Variants in KRT8 observed in about 807,000 individuals in gnomAD.
KRT8 encodes the protein keratin 8, also known as keratin, type II cytoskeletal 8.
A neutral mutation model predicts 43.0 loss-of-function variants in KRT8; 24 were observed. The observed-to-expected ratio is 0.56, with a 90% CI of 0.40 to 0.78. The LOEUF (loss-of-function observed/expected upper bound fraction) is 0.78. KRT8 is among the 30% of genes least tolerant of loss of function. KRT8 has a pLI of 0.00. For synonymous variants in KRT8, 214 were observed against 261.2 expected, an observed-to-expected ratio of 0.82 and a Z score of 1.74; for missense variants, 492 against 638.4, an observed-to-expected ratio of 0.77 and a Z score of 2.47.
chr12:52,924,264 C>T (rs1941946204), intron 2 of KRT8, among the ~76,000 whole-genome samples: 2 of 152,042 alleles, frequency 1.3e-5, no homozygotes, highest in East Asian at 1.9e-4. Context: ...CTGGCTAACA[C>T]GGTGAAACCC....
At chr12:52,948,966 G>A in intron 2 of KRT8, 1 of 459,556 alleles carries the variant, frequency 2.2e-6, no homozygotes, top group Non-Finnish European at 3.7e-6. Context: ...GGGCTGCGCG[G>A]AGGGCGCGGG....
At chr12:52,917,428 C>T (rs1475498222) in intron 2 of KRT8, among the ~76,000 whole-genome samples, 1 of 151,186 alleles carries the variant, frequency 6.6e-6, no homozygotes, top group Non-Finnish European at 1.5e-5. Flanking sequence ...AAAGAAAAGA[C>T]TGAGTGTGGT....
At chr12:52,898,894 A>C (rs1428657482) in exon 6 of KRT8, 1 of 1,613,354 alleles carries the variant, frequency 6.2e-7, no homozygotes, top group Admixed American at 1.7e-5. Context: ...CCTCCAGGGA[A>C]GCCCTCTGTG....
exon 3 of KRT8, chr12:52,901,163 T>G: frequency 6.2e-7 from 1 of 1,606,452 alleles, no homozygotes; most frequent in Non-Finnish European, 8.5e-7. Context: ...CCTCACCTTC[T>G]TGATGAGGAC....
intron 2 of KRT8, among the ~76,000 whole-genome samples, chr12:52,935,393 A>AG (rs1565731929): frequency 5.6e-5 from 8 of 143,424 alleles, no homozygotes; most frequent in East Asian, 2.0e-4. Flanking sequence ...AAAAAAAAAA[A>AG]AAAAAAAAAA....
intron 2 of KRT8, chr12:52,926,332 G>GCCCCCCCCCCCCCCC: frequency 5.0e-6 from 3 of 600,260 alleles, no homozygotes; most frequent in Non-Finnish European, 6.1e-6. Context: ...GGCACTAGCT[G>GCCCCCCCCCCCCCCC]CCCTCCCCAC....
intron 1 of KRT8, among the ~76,000 whole-genome samples, chr12:52,903,323 C>A (rs1941422359): frequency 1.3e-5 from 2 of 152,274 alleles, no homozygotes; most frequent in South Asian, 4.1e-4. Context: ...AACCAGGAAC[C>A]GGCAGAGCAG....
chr12:52,931,391 G>C (rs544485583), intron 2 of KRT8, among the ~76,000 whole-genome samples: 2 of 152,186 alleles, frequency 1.3e-5, no homozygotes, highest in South Asian at 4.1e-4. Context: ...TTCTAAAATA[G>C]TTTCCCTTGG....
chr12:52,914,128 C>T (rs971256452), intron 2 of KRT8, among the ~76,000 whole-genome samples: 4 of 152,198 alleles, frequency 2.6e-5, no homozygotes, highest in African/African-American at 7.2e-5. Flanking sequence ...GAGGCTGAGG[C>T]AGGAGAATCG....
At chr12:52,899,665 C>G in intron 5 of KRT8, 110 bp downstream of exon 5, 2 of 971,392 alleles carry the variant, frequency 2.1e-6, no homozygotes, top group East Asian at 2.5e-5. Context: ...ACTCCTGAAC[C>G]CTGGTCTAGG....
chr12:52,934,646 A>C (rs985538375), intron 2 of KRT8, among the ~76,000 whole-genome samples: 2 of 152,172 alleles, frequency 1.3e-5, no homozygotes, highest in Admixed American at 6.6e-5. Flanking sequence ...ATAAAGCTGC[A>C]GTAATCAAGA....
chr12:52,921,763 C>T (rs1052991434), intron 2 of KRT8, among the ~76,000 whole-genome samples: 1 of 152,168 alleles, frequency 6.6e-6, no homozygotes, highest in Non-Finnish European at 1.5e-5. Context: ...GCTATTCCCC[C>T]ATGGCCTAGC....
At chr12:52,948,732 C>G (rs933126878) in intron 2 of KRT8, 1 of 397,906 alleles carries the variant, frequency 2.5e-6, no homozygotes, top group African/African-American at 2.1e-5. Flanking sequence ...CCTCGTGATC[C>G]GCCCACCTAG....
At chr12:52,949,748 C>T (rs1269352043) in exon 1 of KRT8, 7 of 740,330 alleles carry the variant, frequency 9.5e-6, no homozygotes, top group Middle Eastern at 2.2e-4. Flanking sequence ...GCCACAGGGT[C>T]CCTAAGAGCA....
chr12:52,926,326 C>G (rs1941990562), intron 2 of KRT8: 1 of 963,360 alleles, frequency 1.0e-6, no homozygotes, highest in Non-Finnish European at 1.6e-6. Flanking sequence ...CCACCTGGCA[C>G]TAGCTGCCCT....
intron 7 of KRT8, 149 bp from the exon 8 acceptor site, chr12:52,897,767 C>T: frequency 9.3e-7 from 1 of 1,079,124 alleles, no homozygotes; most frequent in South Asian, 1.4e-5. Context: ...GTTCACTACT[C>T]CAGAACTGTC....
rs79259788 is a variant in KRT8, at chr12:52,939,709, G to T, written c.-47+9747C>A. ...AGAACTCCAGCCTGAGTGACAGACG[G>T]GGAGACTCCCTCTCAAAAAAAAAAA... On this transcript the variant is annotated intron_variant, in intron 2 of 6. Coordinates refer to the KRT8 transcript ENST00000546826. Among the ~76,000 whole-genome samples the T allele has an allele frequency of 1.9e-3, 21 of 11,026 alleles. No individual in the cohort carries two copies. In the South Asian group the frequency reaches 0.035, roughly 19 times the overall value. The allele number at this position is 11,026 out of a possible 152,430, so 7.2% of individuals were successfully genotyped here.
intron 2 of KRT8, among the ~76,000 whole-genome samples, chr12:52,931,115 T>C (rs1942076039): frequency 1.3e-5 from 2 of 151,594 alleles, no homozygotes; most frequent in Admixed American, 1.3e-4. Context: ...TTGCCCAGGC[T>C]GCAGTGCAGT....
intron 1 of KRT8, among the ~76,000 whole-genome samples, chr12:52,903,019 CA>C (rs896839394): frequency 1.2e-4 from 18 of 152,078 alleles, no homozygotes; most frequent in Non-Finnish European, 2.5e-4. Flanking sequence ...CTCAAACAAA[CA>C]AAAAAACTTG....
Sources: allele counts gnomAD v4.1 joint callset (sites outside exome capture counted in the v4.1 genomes callset), GRCh38; gene constraint gnomAD v4.1.1; transcripts MANE v1.5; gene names NCBI Gene and HGNC (gene_info 2026-07-23, HGNC 2026-07-21).